The following PCDHGA6 variants were observed in gnomAD, a reference collection of about 807,000 sequenced individuals.
PCDHGA6 encodes the protein protocadherin gamma-A6.
A neutral mutation model predicts 60.6 loss-of-function variants in PCDHGA6; 41 were observed. The observed-to-expected ratio is 0.68, with a 90% CI of 0.53 to 0.88. The LOEUF (loss-of-function observed/expected upper bound fraction) is 0.88, where lower values mean the gene tolerates loss of function less well. PCDHGA6 is among the 40% of genes least tolerant of loss of function. The probability of loss-of-function intolerance (pLI) is 0.00; values close to 1 mark genes in which losing one functional copy is unlikely to be tolerated. For synonymous variants in PCDHGA6, 594 were observed against 524.4 expected (o/e 1.13, Z -1.81); for missense variants, 1,312 against 1,203.0 (o/e 1.09, Z -1.34).
At chr5:141,468,822 A>C (rs867400152) in intron 1 of PCDHGA6, among the ~76,000 whole-genome samples, 4 of 151,874 alleles carry the variant, frequency 2.6e-5, no homozygotes, top group Middle Eastern at 3.4e-3. Context: ...GCCAAGATCA[A>C]GCCACTGCAC....
At chr5:141,507,017 C>CACTT (rs763489200) in intron 3 of PCDHGA6, 1 of 152,206 alleles carries the variant, frequency 6.6e-6, no homozygotes, top group Non-Finnish European at 1.5e-5. Flanking sequence ...ACCGAGAAGG[C>CACTT]ACTTGCCCCA....
intron 1 of PCDHGA6, chr5:141,478,024 C>T: frequency 2.5e-6 from 4 of 1,614,188 alleles, no homozygotes; most frequent in Non-Finnish European, 3.4e-6. Context: ...CAGTCCAAGA[C>T]ACAGATTCAC....
chr5:141,505,405 C>T lies in PCDHGA6; in HGVS notation c.2496C>T (p.Gly832=), dbSNP rs745516568. 2.5e-6 allele frequency: 4 copies of T among 1,614,130 alleles called. No individual in the cohort carries two copies. The highest frequency in any genetic ancestry group is 3.3e-4 in the Middle Eastern group (2 of 6,062). ...QRPGTSGSQN[G]DDTGTWPNNQ... ...ACTCTCTCCCCAGCTCCCAAAATGG[C>T]GATGACACCGGCACCTGGCCCAACA... Residue 832 remains glycine (G), a synonymous_variant, in exon 3 of 4, where the codon GGC becomes GGT. Transcript: ENST00000517434.
chr5:141,394,631 C>T (rs1402672360), intron 1 of PCDHGA6: 3 of 1,613,354 alleles, frequency 1.9e-6, no homozygotes, highest in Admixed American at 1.7e-5. Flanking sequence ...GGCTGTCCTA[C>T]CGCCTGCTCA....
chr5:141,398,148 G>T lies in PCDHGA6; in HGVS notation c.2424+21641G>T, dbSNP rs768560617. The T allele has an allele frequency of 9.4e-6, 14 of 1,497,140 alleles. 1 individual carries two copies. Among genetic ancestry groups the T allele is most frequent in the East Asian group, 9.3e-5 (4 of 42,788 alleles). 92.7% of individuals were successfully genotyped at this position (1,497,140 alleles called of 1,614,324 possible). On this transcript the variant is annotated intron_variant, in intron 1 of 3. Coordinates refer to ENST00000517434, the MANE Select transcript of PCDHGA6 (RefSeq NM_018919.3). ...GAGGGATGGGGAGCGGCGCCGGGGA[G>T]CTGGGCCGGGCTGAGAGGCTGCCAG...
In PCDHGA6 at chr5:141,389,786, C is replaced by T. The variant is rs368188508; in HGVS notation, c.2424+13279C>T. 6.2e-6 allele frequency: 10 copies of T among 1,613,252 alleles called. No homozygotes were observed. The African/African-American group carries it at 1.1e-4, about 17-fold the overall frequency. The stretch of plus-strand genomic sequence containing the variant: ...CAGCGCGTGCCTTAGGCGACAGGGA[C>T]GCCGTCCGCCAGCGCCTTCTGGTCG... On this transcript the variant is annotated intron_variant, in intron 1 of 3. Transcript: ENST00000517434.
intron 1 of PCDHGA6, among the ~76,000 whole-genome samples, chr5:141,468,798 G>A (rs895012127): frequency 7.9e-5 from 12 of 151,646 alleles, no homozygotes; most frequent in East Asian, 2.0e-4. Context: ...CCCGGGAGGC[G>A]GAACTTGCAG....
rs766036470 is a variant in PCDHGA6, at chr5:141,374,518, C to G, written c.435C>G (p.Asn145Lys). Residue 145 changes from asparagine (N) to lysine (K), a missense_variant, in exon 1 of 4, where the codon AAC becomes AAG. Asn to Lys is a moderately conservative substitution (Grantham distance 94). Coordinates refer to ENST00000517434, the MANE Select transcript of PCDHGA6 (RefSeq NM_018919.3). Reference protein sequence around the residue: ...KEELEVKILENAAPSSRFPLM... With the variant: ...KEELEVKILEKAAPSSRFPLM... ...AATTGGAAGTGAAAATTCTCGAAAA[C>G]GCAGCTCCATCCTCTCGTTTTCCAC... 5.6e-6 allele frequency: 9 copies of G among 1,612,422 alleles called. No individual in the cohort carries two copies. Among genetic ancestry groups the G allele is most frequent in the African/African-American group, 1.3e-5 (1 of 75,040 alleles).
At chr5:141,388,351 C>T (rs1245529264) in intron 1 of PCDHGA6, 1 of 1,613,898 alleles carries the variant, frequency 6.2e-7, no homozygotes, top group African/African-American at 1.3e-5. Context: ...ATATTAGGAT[C>T]TGCCCATGAT....
chr5:141,467,625 T>C (rs1407031447), intron 1 of PCDHGA6, among the ~76,000 whole-genome samples: 1 of 152,202 alleles, frequency 6.6e-6, no homozygotes, highest in African/African-American at 2.4e-5. Flanking sequence ...TGATTTGAGA[T>C]AGCATCTTTA....
intron 1 of PCDHGA6, chr5:141,409,289 G>A: frequency 1.2e-6 from 2 of 1,613,976 alleles, no homozygotes; most frequent in Middle Eastern, 1.6e-4. Context: ...TTCACCTCCA[G>A]GAATGGTTGT....
At chr5:141,501,470 TG>T (rs1206698871) in intron 2 of PCDHGA6, among the ~76,000 whole-genome samples, 1 of 152,068 alleles carries the variant, frequency 6.6e-6, no homozygotes, top group African/African-American at 2.4e-5. Flanking sequence ...CCCCAAATCC[TG>T]GAAGAGTCCC....
At position 141,431,871 on chromosome 5, in the gene PCDHGA6, T is replaced by C; in HGVS notation, c.2424+55364T>C. The C allele has an allele frequency of 1.9e-6, 3 of 1,614,234 alleles. No homozygotes were observed. The highest frequency in any genetic ancestry group is 2.5e-6 in the Non-Finnish European group (3 of 1,180,032). The stretch of plus-strand genomic sequence containing the variant: ...GGGACATTAATTGCCCTTTTAAATG[T>C]AAATGACCAAGATTCTGAGGAAAAC... On this transcript the variant is annotated intron_variant, in intron 1 of 3. Coordinates refer to ENST00000517434, the MANE Select transcript of PCDHGA6 (RefSeq NM_018919.3). The surrounding 1 kb of genome is among the most constrained non-coding windows in gnomAD (Gnocchi z 4.8).
intron 1 of PCDHGA6, among the ~76,000 whole-genome samples, chr5:141,448,728 C>T (rs575604763): frequency 6.6e-6 from 1 of 151,986 alleles, no homozygotes; most frequent in Non-Finnish European, 1.5e-5. Context: ...ATCACGAGGT[C>T]AGGAGATCGA....
intron 1 of PCDHGA6, among the ~76,000 whole-genome samples, chr5:141,468,921 G>A (rs1254189500): frequency 6.6e-6 from 1 of 151,342 alleles, no homozygotes; most frequent in African/African-American, 2.4e-5. Context: ...GAAGAGAATA[G>A]CACTAAAATG....
chr5:141,414,515 C>T, intron 1 of PCDHGA6: 1 of 1,613,958 alleles, frequency 6.2e-7, no homozygotes, highest in Non-Finnish European at 8.5e-7. Flanking sequence ...CTACAAGTGG[C>T]AGATATCAAT....
At chr5:141,427,294 AT>A (rs2097012877) in intron 1 of PCDHGA6, 1 of 456,758 alleles carries the variant, frequency 2.2e-6, no homozygotes, top group Non-Finnish European at 4.4e-6. Flanking sequence ...GAAATCCTAG[AT>A]GAGAATGACA....
intron 1 of PCDHGA6, among the ~76,000 whole-genome samples, chr5:141,457,822 C>A (rs1477393535): frequency 6.6e-6 from 1 of 152,178 alleles, no homozygotes; most frequent in Non-Finnish European, 1.5e-5. Context: ...AAGATAAACT[C>A]AGAGCTTCCA....
At chr5:141,404,580 G>C (rs769739876) in intron 1 of PCDHGA6, 2 of 1,613,866 alleles carry the variant, frequency 1.2e-6, no homozygotes, top group Non-Finnish European at 1.7e-6. Context: ...CCACCACTTA[G>C]CAGCAATGTG....
Sources: allele counts gnomAD v4.1 joint callset (sites outside exome capture counted in the v4.1 genomes callset), GRCh38; gene constraint gnomAD v4.1.1; non-coding constraint Gnocchi (gnomAD v3.1); transcripts MANE v1.5; gene names NCBI Gene and HGNC (gene_info 2026-07-23, HGNC 2026-07-21).